CFAP298: variants seen among roughly 807,000 people sequenced by gnomAD.
CFAP298 encodes cilia and flagella associated protein 298.
A neutral mutation model predicts 41.0 loss-of-function variants in CFAP298; 38 were observed. The ratio of observed to expected loss-of-function variants is 0.93; its 90% CI spans 0.72 to 1.22. The LOEUF (loss-of-function observed/expected upper bound fraction) is 1.22, where lower values mean the gene tolerates loss of function less well. Among genes scored for constraint, CFAP298 ranks in the 50% most tolerant of loss-of-function variants. The pLI is 0.00. For missense variants in CFAP298, 348 were observed against 360.3 expected, an observed-to-expected ratio of 0.97 and a Z score of 0.28; for synonymous variants, 137 against 135.3, an observed-to-expected ratio of 1.01 and a Z score of -0.09.
intron 5 of CFAP298, chr21:32,602,759 A>G (rs2038772702): frequency 1.6e-6 from 2 of 1,285,414 alleles, no homozygotes; most frequent in Non-Finnish European, 2.0e-6. Context: ...CCCTCAGGTT[A>G]CAGCGCTACA....
intron 3 of CFAP298, among the ~76,000 whole-genome samples, chr21:32,606,411 G>T (rs2038867400): frequency 6.6e-6 from 1 of 152,176 alleles, no homozygotes; most frequent in Non-Finnish European, 1.5e-5. Context: ...CACAGGCAAA[G>T]GGGAGAAGTG....
chr21:32,609,838 C>G lies in CFAP298; in HGVS notation c.307G>C (p.Ala103Pro), dbSNP rs768518723. The G allele has an allele frequency of 1.9e-6, 3 of 1,612,786 alleles. No individual in the cohort carries two copies. In the Admixed American group the frequency reaches 5.0e-5, roughly 27 times the overall value. ...ACATAGAAGAGAAATCCTCACTTAC[C>G]TTGCCCATTCCTTCGTCCAATATCA... ...KDDIGRRNGQ[A>P]PNEKMKQVLK... Residue 103 changes from alanine (A) to proline (P), a missense_variant and splice_region_variant, in exon 2 of 7, where the codon GCT becomes CCT. Physicochemically the swap from Ala to Pro is conservative, Grantham distance 27. Transcript: ENST00000290155.
chr21:32,601,870 G>A lies in CFAP298; in HGVS notation c.866C>T (p.Pro289Leu), dbSNP rs764768742. 1.3e-5 allele frequency: 20 copies of A among 1,585,912 alleles called. No individual in the cohort carries two copies. Among genetic ancestry groups the A allele is most frequent in the Non-Finnish European group, 1.6e-5 (18 of 1,155,648 alleles). The part of the protein sequence containing the change: ...FHGVKDIKWR[P>L]R ...GTCATCAGCTGGTGAACTTCATCTT[G>A]GTCTCCACTTTATGTCTTTCACTCC... The change falls in exon 7 of 7, where the codon CCA becomes CTA. Residue 289 changes from proline (P) to leucine (L), a missense_variant. Coordinates refer to ENST00000290155, the MANE Select transcript of CFAP298 (RefSeq NM_021254.4).
chr21:32,601,940 T>G lies in CFAP298; in HGVS notation c.796A>C (p.Asn266His). 1 of 1,610,620 alleles carries G rather than the reference T, an allele frequency of 6.2e-7. No individual in the cohort carries two copies. Among genetic ancestry groups the G allele is most frequent in the Non-Finnish European group, 8.5e-7 (1 of 1,176,878 alleles). ...GCAGTGTTATCCGCCCATGGTGAGT[T>G]TAAATAGGCATCATCATCATTTTCT... ...LEENDDDAYL[N>H]SPWADNTALK... The change falls in exon 7 of 7, where the codon AAC becomes CAC. Residue 266 changes from asparagine to histidine, a missense_variant. Asn to His is a moderately conservative substitution (Grantham distance 68). Coordinates refer to ENST00000290155, the MANE Select transcript of CFAP298 (RefSeq NM_021254.4).
chr21:32,605,385 T>TACAGTA (rs2038845540), intron 3 of CFAP298, among the ~76,000 whole-genome samples: 1 of 152,220 alleles, frequency 6.6e-6, no homozygotes. Context: ...CTTGTGCTAA[T>TACAGTA]ACAGTAACCT....
At position 32,599,743 on chromosome 21, in the gene CFAP298, GCCC is replaced by G. The variant is rs1377296636; in HGVS notation, c.*2117_*2119del. On this transcript the variant is annotated 3_prime_UTR_variant, in exon 7 of 7. Transcript: ENST00000290155. Reference sequence around the variant, plus strand: ...CACGGTGCCACAGCGGGCACCACCTGCCCCCCGCCGTCACAGATGGCTTGCAAA... The same window carrying G: ...CACGGTGCCACAGCGGGCACCACCTGCCCGCCGTCACAGATGGCTTGCAAA... Among the ~76,000 whole-genome samples the G allele has an allele frequency of 2.6e-5, 4 of 152,130 alleles. No homozygotes were observed. Among genetic ancestry groups the G allele is most frequent in the Admixed American group, 2.0e-4 (3 of 15,280 alleles).
intron 4 of CFAP298, among the ~76,000 whole-genome samples, chr21:32,603,510 A>G (rs573381629): frequency 6.6e-6 from 1 of 152,354 alleles, no homozygotes; most frequent in South Asian, 2.1e-4. Context: ...TCCTCTGGAC[A>G]ACAGGGAGAT....
intron 5 of CFAP298, 48 bp from the exon 6 acceptor site, chr21:32,602,415 G>C: frequency 6.3e-7 from 1 of 1,583,168 alleles, no homozygotes; most frequent in Non-Finnish European, 8.5e-7. Flanking sequence ...TGTTCTTAGA[G>C]TGACAATCCT....
Position 32,604,124 on chromosome 21 carries a change from C to A in CFAP298, c.534+1G>T. The A allele has an allele frequency of 1.2e-6, 2 of 1,613,408 alleles. No individual in the cohort carries two copies. The highest frequency in any genetic ancestry group is 1.7e-6 in the Non-Finnish European group (2 of 1,179,824). ...AGAGTACCCACTCACAAACTACGTA[C>A]CTGTGTTCCCGACAAGTCTTCCTTA... On this transcript the variant is annotated splice_donor_variant, in intron 4 of 6. Coordinates refer to ENST00000290155, the MANE Select transcript of CFAP298 (RefSeq NM_021254.4). LOFTEE classifies it high-confidence loss of function.
chr21:32,601,288 CTTTTTTTTTTTT>C lies in CFAP298; in HGVS notation c.*563_*574del, dbSNP rs1158009254. Among the ~76,000 whole-genome samples, 8 of 92,284 alleles carry C rather than the reference CTTTTTTTTTTTT, an allele frequency of 8.7e-5. 1 individual carries two copies. The South Asian group carries it at 3.1e-3, about 35-fold the overall frequency. 60.5% of individuals were successfully genotyped at this position (92,284 alleles called of 152,430 possible). On this transcript the variant is annotated 3_prime_UTR_variant, in exon 7 of 7. Transcript: ENST00000290155. ...CAATCAGGAAGAAAAAAAAGTGTAG[CTTTTTTTTTTTT>C]TTTTTTTTTTTTTGAGACAAGAGTT...
intron 2 of CFAP298, among the ~76,000 whole-genome samples, chr21:32,609,325 C>T (rs184995414): frequency 5.8e-4 from 88 of 152,224 alleles, no homozygotes; most frequent in African/African-American, 2.0e-3. Flanking sequence ...TCATCTGGTT[C>T]GTCGAATACA....
intron 3 of CFAP298, among the ~76,000 whole-genome samples, chr21:32,606,221 G>T (rs1415871431): frequency 6.6e-6 from 1 of 152,176 alleles, no homozygotes. Flanking sequence ...TGCTGACTGG[G>T]TGTTCAGATA....
At chr21:32,608,224 C>CAAAAAAAAAAAAAAAAAAA (rs751998741) in intron 2 of CFAP298, among the ~76,000 whole-genome samples, 1 of 93,946 alleles carries the variant, frequency 1.1e-5, no homozygotes, top group Admixed American at 9.8e-5. Flanking sequence ...GCTTAGAAGC[C>CAAAAAAAAAAAAAAAAAAA]AAAAAAAAAA....
rs77176548 is a variant in CFAP298 at position 32,604,454 on chromosome 21, C to T, written c.376-171G>A. The T allele has an allele frequency of 5.2e-3, 3,558 of 680,084 alleles. 78 individuals carry two copies. The highest frequency in any genetic ancestry group is 0.034 in the South Asian group (1,844 of 54,978). The allele number at this position is 680,084 out of a possible 1,614,324, so 42.1% of individuals were successfully genotyped here. Reference sequence around the variant, plus strand: ...ATTTCAGGGGCTGAGCGAAGCACACCGTGGCCTGTATTATAAAGCAGACGG... The same window carrying T: ...ATTTCAGGGGCTGAGCGAAGCACACTGTGGCCTGTATTATAAAGCAGACGG... On this transcript the variant is annotated intron_variant, in intron 3 of 6. Transcript: ENST00000290155.
intron 2 of CFAP298, among the ~76,000 whole-genome samples, chr21:32,608,267 C>T (rs2038912607): frequency 6.7e-6 from 1 of 149,416 alleles, no homozygotes; most frequent in South Asian, 2.1e-4. Flanking sequence ...ATGCCCAAAC[C>T]TAGGGAAAAT....
chr21:32,610,824 TAATAA>T (rs542760420), intron 1 of CFAP298, among the ~76,000 whole-genome samples: 337 of 152,292 alleles, frequency 2.2e-3, no homozygotes, highest in African/African-American at 7.1e-3. Context: ...TCATGCAATT[TAATAA>T]ATCACATAAA....
chr21:32,611,539 G>T (rs965997621), intron 1 of CFAP298, among the ~76,000 whole-genome samples: 2 of 151,738 alleles, frequency 1.3e-5, no homozygotes, highest in Non-Finnish European at 2.9e-5. Flanking sequence ...GCACAGATGG[G>T]GGCCCTTCCA....
intron 1 of CFAP298, among the ~76,000 whole-genome samples, chr21:32,611,638 G>A (rs1193318284): frequency 3.3e-5 from 5 of 152,070 alleles, no homozygotes; most frequent in African/African-American, 1.2e-4. Flanking sequence ...CGTTTCCAGG[G>A]CGGGGAAAGA....
rs188715809 is a variant in CFAP298, at chr21:32,604,945, G to A, written c.376-662C>T. Among the ~76,000 whole-genome samples, 333 of 152,310 alleles carry A rather than the reference G, an allele frequency of 2.2e-3. 5 individuals carry two copies. Among genetic ancestry groups the A allele is most frequent in the African/African-American group, 7.3e-3 (302 of 41,562 alleles). On this transcript the variant is annotated intron_variant, in intron 3 of 6. Transcript: ENST00000290155. ...TGTAATCCCAGCACTTTGGGAGGCC[G>A]AGGTGGGCAAATCACCTGAGGTCAG...
Sources: allele counts gnomAD v4.1 joint callset (sites outside exome capture counted in the v4.1 genomes callset), GRCh38; gene constraint gnomAD v4.1.1; transcripts MANE v1.5; gene names NCBI Gene and HGNC (gene_info 2026-07-23, HGNC 2026-07-21).